Variants in SPATS2 observed in about 807,000 individuals in gnomAD.
SPATS2 encodes spermatogenesis associated serine rich 2, also known as spermatogenesis-associated serine-rich protein 2.
A neutral mutation model predicts 63.7 loss-of-function variants in SPATS2; 38 were observed. The ratio of observed to expected loss-of-function variants is 0.60; its 90% confidence interval spans 0.46 to 0.78. The LOEUF is 0.78. SPATS2 is among the 30% of genes least tolerant of loss of function. The probability of loss-of-function intolerance (pLI) is 0.00; values close to 1 mark genes in which losing one functional copy is unlikely to be tolerated. For missense variants in SPATS2, 588 were observed against 666.2 expected (o/e 0.88, Z 1.29); for synonymous variants, 207 against 232.9 (o/e 0.89, Z 1.01).
At chr12:49,400,122 GTT>G (rs1239375292) in intron 2 of SPATS2, among the ~76,000 whole-genome samples, 1 of 152,194 alleles carries the variant, frequency 6.6e-6, no homozygotes, top group African/African-American at 2.4e-5. Flanking sequence ...TCTTCCTTGA[GTT>G]TATATTCTGG....
intron 2 of SPATS2, among the ~76,000 whole-genome samples, chr12:49,399,938 A>T (rs1475330509): frequency 6.6e-6 from 1 of 152,180 alleles, no homozygotes; most frequent in African/African-American, 2.4e-5. Context: ...CGGGAGGCTG[A>T]GGCAGGAGAA....
At chr12:49,401,405 T>C (rs2137300301) in intron 2 of SPATS2, among the ~76,000 whole-genome samples, 1 of 152,234 alleles carries the variant, frequency 6.6e-6, no homozygotes, top group South Asian at 2.1e-4. Context: ...TTCAGGAAAA[T>C]TTTAAACATA....
chr12:49,419,634 T>C (rs1944945760), intron 2 of SPATS2, among the ~76,000 whole-genome samples: 1 of 152,258 alleles, frequency 6.6e-6, no homozygotes, highest in Non-Finnish European at 1.5e-5. Flanking sequence ...ATTTAATGTT[T>C]AGTTTGTACA....
intron 3 of SPATS2, among the ~76,000 whole-genome samples, chr12:49,481,409 C>T (rs1487703001): frequency 6.6e-6 from 1 of 151,326 alleles, no homozygotes; most frequent in East Asian, 1.9e-4. Flanking sequence ...GAAATGGTTC[C>T]TGATAGAGTG....
chr12:49,464,056 T>C (rs1475950873), intron 3 of SPATS2, among the ~76,000 whole-genome samples: 2 of 152,176 alleles, frequency 1.3e-5, no homozygotes, highest in Non-Finnish European at 2.9e-5. Context: ...TAGGAACTCT[T>C]TGATAGTGAT....
At chr12:49,525,426 G>C (rs1380682349) in intron 13 of SPATS2, among the ~76,000 whole-genome samples, 1 of 152,202 alleles carries the variant, frequency 6.6e-6, no homozygotes, top group African/African-American at 2.4e-5. Flanking sequence ...TATGATGTTT[G>C]GAATTGGAGG....
chr12:49,466,512 T>G (rs1051762463), intron 3 of SPATS2, among the ~76,000 whole-genome samples: 4 of 152,216 alleles, frequency 2.6e-5, no homozygotes, highest in Non-Finnish European at 5.9e-5. Flanking sequence ...TTTACTTTTT[T>G]GCATATGGAT....
intron 2 of SPATS2, among the ~76,000 whole-genome samples, chr12:49,409,963 A>T (rs1188650295): frequency 6.6e-6 from 1 of 152,130 alleles, no homozygotes; most frequent in Non-Finnish European, 1.5e-5. Flanking sequence ...AGGAATCTTA[A>T]ATCTTCTTGT....
intron 1 of SPATS2, among the ~76,000 whole-genome samples, chr12:49,370,343 CAT>C (rs969617405): frequency 7.9e-5 from 12 of 152,148 alleles, no homozygotes; most frequent in Admixed American, 7.9e-4. Context: ...CCTGGCTTCT[CAT>C]GTGTGTAACT....
chr12:49,501,584 A>G (rs1228489385), intron 9 of SPATS2, among the ~76,000 whole-genome samples: 1 of 152,140 alleles, frequency 6.6e-6, no homozygotes, highest in Non-Finnish European at 1.5e-5. Context: ...TAACTGTTAG[A>G]TATTAAGGTG....
At chr12:49,519,960 G>A (rs925742165) in intron 11 of SPATS2, among the ~76,000 whole-genome samples, 34 of 150,188 alleles carry the variant, frequency 2.3e-4, no homozygotes, top group African/African-American at 8.3e-4. Context: ...GATTACAGGC[G>A]CCTGCCACCA....
At chr12:49,470,848 T>C (rs767995026) in intron 3 of SPATS2, among the ~76,000 whole-genome samples, 4 of 152,260 alleles carry the variant, frequency 2.6e-5, no homozygotes, top group Admixed American at 1.3e-4. Flanking sequence ...TTTAAACTTA[T>C]ATTCAGCATA....
intron 2 of SPATS2, among the ~76,000 whole-genome samples, chr12:49,382,364 A>G (rs971671064): frequency 1.3e-5 from 2 of 152,262 alleles, no homozygotes; most frequent in East Asian, 1.9e-4. Flanking sequence ...ACAGTCTCCC[A>G]GTTTTCTTCC....
chr12:49,370,042 T>C (rs1804835468), intron 1 of SPATS2, among the ~76,000 whole-genome samples: 1 of 152,206 alleles, frequency 6.6e-6, no homozygotes, highest in Non-Finnish European at 1.5e-5. Flanking sequence ...AACATGAGCA[T>C]AGCCCCTGGA....
chr12:49,520,437 C>T (rs1946921764), intron 11 of SPATS2, among the ~76,000 whole-genome samples: 1 of 151,964 alleles, frequency 6.6e-6, no homozygotes, highest in African/African-American at 2.4e-5. Context: ...CCCTTGACCT[C>T]CTCATCCTTC....
intron 2 of SPATS2, among the ~76,000 whole-genome samples, chr12:49,407,341 C>T (rs997065935): frequency 2.0e-5 from 3 of 152,116 alleles, no homozygotes; most frequent in Non-Finnish European, 2.9e-5. Flanking sequence ...TGCTCAAGAT[C>T]TTCCAGTGGT....
intron 1 of SPATS2, among the ~76,000 whole-genome samples, chr12:49,369,030 CTTTT>C (rs35158946): frequency 7.8e-5 from 8 of 102,614 alleles, no homozygotes; most frequent in African/African-American, 3.1e-4. Context: ...CAATGTGCCT[CTTTT>C]TTTTTTTTTT....
intron 2 of SPATS2, among the ~76,000 whole-genome samples, chr12:49,434,064 C>G (rs946398289): frequency 1.3e-5 from 2 of 152,106 alleles, no homozygotes; most frequent in African/African-American, 2.4e-5. Flanking sequence ...GTTCTTGGCC[C>G]CTTTGTTGAA....
chr12:49,492,606 T>TA (rs1946401789), intron 6 of SPATS2, among the ~76,000 whole-genome samples: 1 of 152,162 alleles, frequency 6.6e-6, no homozygotes, highest in Admixed American at 6.5e-5. Context: ...GGATGTGTGT[T>TA]AGAGACACAG....
Sources: gnomAD v4.1 joint callset for allele counts (sites outside exome capture counted in the v4.1 genomes callset) on GRCh38, gnomAD v4.1.1 for gene constraint, MANE v1.5 for transcripts, NCBI Gene and HGNC (gene_info 2026-07-23, HGNC 2026-07-21) for gene names.